Variants in TNS1 observed in about 807,000 individuals in gnomAD.
TNS1 encodes the protein tensin-1.
A neutral mutation model predicts 168.6 loss-of-function variants in TNS1; 62 were observed. That is an observed-to-expected ratio of 0.37 (90% CI 0.30 to 0.45). The LOEUF (loss-of-function observed/expected upper bound fraction) is 0.45, where lower values mean the gene tolerates loss of function less well. TNS1 is among the 20% of genes least tolerant of loss of function. The pLI is 1.00. For missense variants in TNS1, 2,240 were observed against 2,339.4 expected (o/e 0.96, Z 0.88); for synonymous variants, 934 against 933.2 (o/e 1.00, Z -0.02).
chr2:217,817,756 G>T lies in TNS1; in HGVS notation c.4576C>A (p.Pro1526Thr). 1.2e-6 allele frequency: 2 copies of T among 1,613,846 alleles called. No homozygotes were observed. The change falls in exon 24 of 33, where the codon CCC becomes ACC. Residue 1526 changes from proline to threonine, a missense_variant. Coordinates refer to ENST00000682258, the MANE Select transcript of TNS1 (RefSeq NM_001387777.1). ...SSPVASGMSS[P>T]SGGSTVSFSH... ...AAGGAGACGGTGCTGCCCCCACTGG[G>T]ACTGGACATGCCGCTGGCGACAGGC...
chr2:217,981,233 A>T (rs1958040834), intron 2 of TNS1, among the ~76,000 whole-genome samples: 1 of 152,200 alleles, frequency 6.6e-6, no homozygotes, highest in Admixed American at 6.5e-5. Context: ...GCTCATGCAC[A>T]GTGTCTTTGT....
At chr2:217,897,528 T>C (rs1270000277) in intron 8 of TNS1, among the ~76,000 whole-genome samples, 1 of 152,182 alleles carries the variant, frequency 6.6e-6, no homozygotes, top group Non-Finnish European at 1.5e-5. Flanking sequence ...GAACTCTTAT[T>C]GGTACTCTCT....
At chr2:217,881,604 A>G (rs1381769302) in intron 17 of TNS1, 1 of 153,536 alleles carries the variant, frequency 6.5e-6, no homozygotes, top group African/African-American at 2.4e-5. Context: ...CATTGGGACA[A>G]ATACCTAATG....
At chr2:217,902,698 GT>G (rs1361231306) in intron 6 of TNS1, among the ~76,000 whole-genome samples, 1 of 152,162 alleles carries the variant, frequency 6.6e-6, no homozygotes, top group Non-Finnish European at 1.5e-5. Context: ...ATAAGGCAAA[GT>G]CCAAGCCCGC....
intron 1 of TNS1, among the ~76,000 whole-genome samples, chr2:218,025,687 T>C (rs1349830319): frequency 1.3e-5 from 2 of 151,890 alleles, no homozygotes. Context: ...TTCTTTCTTT[T>C]TTTTTTTAAT....
chr2:217,959,803 G>C (rs1240686750), intron 3 of TNS1, among the ~76,000 whole-genome samples: 1 of 151,996 alleles, frequency 6.6e-6, no homozygotes, highest in African/African-American at 2.4e-5. Flanking sequence ...AGAGGCAGCT[G>C]GACGCCTCTG....
chr2:217,997,726 A>G (rs1449655312), intron 1 of TNS1, among the ~76,000 whole-genome samples: 1 of 152,214 alleles, frequency 6.6e-6, no homozygotes, highest in East Asian at 1.9e-4. Flanking sequence ...GTCACCTCCC[A>G]TAGGCTGTTG....
chr2:217,845,626 T>C (rs978028474), intron 19 of TNS1, among the ~76,000 whole-genome samples: 2 of 152,208 alleles, frequency 1.3e-5, no homozygotes, highest in Non-Finnish European at 2.9e-5. Context: ...AATGGGAACA[T>C]TGTGCCAACA....
intron 25 of TNS1, among the ~76,000 whole-genome samples, 161 bp downstream of exon 25, chr2:217,814,751 T>C (rs751273345): frequency 3.3e-5 from 5 of 152,244 alleles, no homozygotes; most frequent in Non-Finnish European, 7.3e-5. Flanking sequence ...CACACTTCAC[T>C]GCAGGAAGTG....
At chr2:217,836,418 T>C (rs1945186929) in intron 19 of TNS1, among the ~76,000 whole-genome samples, 1 of 152,094 alleles carries the variant, frequency 6.6e-6, no homozygotes, top group Non-Finnish European at 1.5e-5. Flanking sequence ...GGGATCTGCT[T>C]AGATTGGCTC....
At position 217,817,936 on chromosome 2, in the gene TNS1, C is replaced by G; in HGVS notation, c.4396G>C (p.Gly1466Arg). 1 of 1,612,340 alleles carries G rather than the reference C, an allele frequency of 6.2e-7. No individual in the cohort carries two copies. The change falls in exon 24 of 33, where the codon GGC becomes CGC. Residue 1466 changes from glycine to arginine, a missense_variant. Gly to Arg is a moderately radical substitution (Grantham distance 125). Around this residue, in one of 2 missense-constraint regions of TNS1, gnomAD observed 2,131 missense variants for 2,171.2 expected, o/e 0.98. Transcript: ENST00000682258. ...SFPVSPAYYP[G>R]LSSPATSPSP... Reference sequence around the variant, plus strand: ...GGGGAGGTGGCAGGGCTGCTCAGGCCAGGGTAGTAGGCAGGGGAGACAGGG... The same window carrying G: ...GGGGAGGTGGCAGGGCTGCTCAGGCGAGGGTAGTAGGCAGGGGAGACAGGG...
Position 217,880,767 on chromosome 2 carries a change from A to T in TNS1, c.1429+131T>A. ...CCCCCAGTTAACGGTGAGCTCTCGG[A>T]GGTACCTCACACTTCCCCTCTGCCT... On this transcript the variant is annotated intron_variant, in intron 18 of 32. Transcript: ENST00000682258. The surrounding 1 kb of genome is among the most constrained non-coding windows in gnomAD (Gnocchi z 4.2). 2.9e-6 allele frequency: 2 copies of T among 698,344 alleles called. No individual in the cohort carries two copies. The highest frequency in any genetic ancestry group is 5.1e-6 in the Non-Finnish European group (2 of 392,150). The allele number at this position is 698,344 out of a possible 1,614,324, so 43.3% of individuals were successfully genotyped here.
chr2:218,018,093 G>C (rs1958777622), intron 1 of TNS1, among the ~76,000 whole-genome samples: 1 of 152,198 alleles, frequency 6.6e-6, no homozygotes, highest in Non-Finnish European at 1.5e-5. Context: ...GAATTGGAGG[G>C]TACAATGCCT....
At position 217,978,873 on chromosome 2, in the gene TNS1, C is replaced by T. The variant is rs2126048922; in HGVS notation, c.149-71G>A. ...TGAAATGGAAACTCCGCGAAATCTC[C>T]TCCCACCCCAGCCCGCAATCCGCGC... On this transcript the variant is annotated intron_variant, in intron 2 of 32. Coordinates refer to ENST00000682258, the MANE Select transcript of TNS1 (RefSeq NM_001387777.1). The T allele has an allele frequency of 4.3e-6, 3 of 700,266 alleles. No individual in the cohort carries two copies. The East Asian group carries it at 8.1e-5, about 19-fold the overall frequency. 43.4% of individuals were successfully genotyped at this position (700,266 alleles called of 1,614,324 possible). A position where few individuals can be genotyped will look rare whatever the true frequency, so the allele number is the denominator to read the frequency against.
At chr2:217,894,960 T>C in intron 9 of TNS1, 46 bp downstream of exon 9, 1 of 1,566,030 alleles carries the variant, frequency 6.4e-7, no homozygotes, top group Middle Eastern at 1.7e-4. Flanking sequence ...AGGGAGTCCA[T>C]CTGTTCTCCT....
intron 19 of TNS1, among the ~76,000 whole-genome samples, chr2:217,843,670 C>T (rs962661961): frequency 4.6e-5 from 7 of 152,176 alleles, no homozygotes; most frequent in Admixed American, 2.6e-4. Flanking sequence ...CAGGCTGACA[C>T]TGCTAATCTC....
At chr2:217,947,029 C>T (rs1346794099) in intron 3 of TNS1, among the ~76,000 whole-genome samples, 3 of 150,460 alleles carry the variant, frequency 2.0e-5, no homozygotes, top group South Asian at 2.1e-4. Flanking sequence ...TCTGCTCAGC[C>T]CCCTGGCTCC....
intron 3 of TNS1, among the ~76,000 whole-genome samples, chr2:217,972,156 A>G (rs972075990): frequency 6.6e-6 from 1 of 152,226 alleles, no homozygotes; most frequent in Admixed American, 6.5e-5. Flanking sequence ...TCTACAAGAT[A>G]AGTACTACTA....
chr2:217,804,657 A>G, intron 32 of TNS1, 54 bp from the exon 33 acceptor site: 1 of 1,606,258 alleles, frequency 6.2e-7, no homozygotes, highest in Non-Finnish European at 8.5e-7. Flanking sequence ...GAACCCCAGG[A>G]GGTGGACAGC....
Sources: allele counts gnomAD v4.1 joint callset (sites outside exome capture counted in the v4.1 genomes callset), GRCh38; gene constraint gnomAD v4.1.1; regional missense constraint gnomAD v4.1.1; non-coding constraint Gnocchi (gnomAD v3.1); transcripts MANE v1.5; gene names NCBI Gene and HGNC (gene_info 2026-07-23, HGNC 2026-07-21).